The following ASXL2 variants were observed in gnomAD, a reference collection of about 807,000 sequenced individuals.
The protein encoded by ASXL2 is ASXL transcriptional regulator 2.
In ASXL2, 23 loss-of-function variants were observed where a neutral mutation model predicts 122.0. The ratio of observed to expected loss-of-function variants is 0.19; its 90% CI spans 0.14 to 0.27. The LOEUF (loss-of-function observed/expected upper bound fraction) is 0.27. ASXL2 is among the 10% of genes least tolerant of loss of function. ASXL2 has a pLI of 1.00. For synonymous variants in ASXL2, 650 were observed against 637.0 expected, an observed-to-expected ratio of 1.02 and a Z score of -0.31; for missense variants, 1,518 against 1,713.8, an observed-to-expected ratio of 0.89 and a Z score of 2.02.
At chr2:25,865,236 GC>G (rs2089888004) in intron 1 of ASXL2, among the ~76,000 whole-genome samples, 2 of 146,744 alleles carry the variant, frequency 1.4e-5, no homozygotes, top group Admixed American at 6.8e-5. Flanking sequence ...TTTGAGACCA[GC>G]CTGGCCAACA....
chr2:25,831,554 T>C (rs1267946741), intron 3 of ASXL2, among the ~76,000 whole-genome samples: 1 of 151,370 alleles, frequency 6.6e-6, no homozygotes, highest in Admixed American at 6.6e-5. Flanking sequence ...CTCAGGAGGC[T>C]AAGGTGGGAG....
At chr2:25,867,623 CATT>C (rs10588419) in intron 1 of ASXL2, among the ~76,000 whole-genome samples, 58,445 of 151,800 alleles carry the variant, frequency 0.39, 12,943 homozygotes, top group Non-Finnish European at 0.51. Context: ...AAAACAGATA[CATT>C]ATTATCTCCT....
intron 1 of ASXL2, among the ~76,000 whole-genome samples, chr2:25,848,581 C>T (rs1225860725): frequency 1.3e-5 from 2 of 152,028 alleles, no homozygotes; most frequent in East Asian, 3.9e-4. Flanking sequence ...CGAGATTGGG[C>T]CACTGCACTC....
At chr2:25,800,407 G>T (rs1365177909) in intron 4 of ASXL2, among the ~76,000 whole-genome samples, 1 of 152,182 alleles carries the variant, frequency 6.6e-6, no homozygotes, top group African/African-American at 2.4e-5. Context: ...GACAGTAAGA[G>T]ATAGTGCATT....
At chr2:25,760,602 T>C (rs1440973653) in intron 8 of ASXL2, among the ~76,000 whole-genome samples, 1 of 152,246 alleles carries the variant, frequency 6.6e-6, no homozygotes, top group Non-Finnish European at 1.5e-5. Context: ...CATTTTGAAT[T>C]GCTTTCACAA....
At chr2:25,809,906 A>G in intron 3 of ASXL2, 1 of 511,308 alleles carries the variant, frequency 2.0e-6, no homozygotes, top group Admixed American at 1.9e-5. Flanking sequence ...GAGCAGCAGC[A>G]GGGTGAGACT....
Position 25,743,649 on chromosome 2 carries a change from T to G in ASXL2, c.2688A>C (p.Leu896Phe), listed in dbSNP as rs1434964368. Residue 896 changes from leucine to phenylalanine, a missense_variant, in exon 13 of 13, where the codon TTA becomes TTC. By Grantham distance (22) the Leu-to-Phe change is conservative. This residue lies in a region of ASXL2 where 831 missense variants were observed against 833.1 expected (regional missense o/e 1.00). Transcript: ENST00000435504. ...TGACCTGGGGTACAGGAAGCTTTTC[T>G]AAAGTGGCTGTGGTCAATAAAGATG... The part of the protein sequence containing the change: ...PLTSLLTTAT[L>F]EKLPVPQVSA... The G allele has an allele frequency of 6.2e-7, 1 of 1,613,918 alleles. No homozygotes were observed. Among genetic ancestry groups the G allele is most frequent in the Non-Finnish European group, 8.5e-7 (1 of 1,179,902 alleles).
chr2:25,744,489 G>A lies in ASXL2; in HGVS notation c.1861-13C>T, dbSNP rs1484333522. ...TGGAGACCGGGATCTGAAAGAAGTA[G>A]AGGGGAAAAAAACAACAGAGCTTAG... On this transcript the variant is annotated splice_polypyrimidine_tract_variant and intron_variant, in intron 12 of 12. Coordinates refer to ENST00000435504, the MANE Select transcript of ASXL2 (RefSeq NM_018263.6). The surrounding 1 kb of genome is among the most constrained non-coding windows in gnomAD (Gnocchi z 4.7). 2 of 1,573,906 alleles carry A rather than the reference G, an allele frequency of 1.3e-6. No individual in the cohort carries two copies. Among genetic ancestry groups the A allele is most frequent in the Admixed American group, 2.0e-5 (1 of 48,932 alleles).
chr2:25,755,904 T>G, intron 10 of ASXL2, 114 bp downstream of exon 10: 1 of 884,556 alleles, frequency 1.1e-6, no homozygotes, highest in Non-Finnish European at 1.9e-6. Flanking sequence ...GTTAATTCTA[T>G]CCTATGGAAA....
At position 25,751,178 on chromosome 2, in the gene ASXL2, T is replaced by C. The variant is rs188997804; in HGVS notation, c.1143-765A>G. Among the ~76,000 whole-genome samples the C allele has an allele frequency of 2.0e-5, 3 of 152,246 alleles. No homozygotes were observed. The East Asian group carries it at 5.8e-4, about 29-fold the overall frequency. On this transcript the variant is annotated intron_variant, in intron 11 of 12. Coordinates refer to ENST00000435504, the MANE Select transcript of ASXL2 (RefSeq NM_018263.6). ...AATACTGTACAACATGTAAAATCAA[T>C]GAGCCTTCTTTGGTGACTTCAAAGA...
Position 25,744,408 on chromosome 2 carries a change from T to C in ASXL2, c.1929A>G (p.Pro643=). 6.2e-7 allele frequency: 1 copy of C among 1,613,590 alleles called. No homozygotes were observed. Among genetic ancestry groups the C allele is most frequent in the Non-Finnish European group, 8.5e-7 (1 of 1,179,822 alleles). Reference sequence around the variant, plus strand: ...TTCTGTTAGGACTAGTGATGGAGACTGGAAAACGAGCCCTGGGAGAGACCT... The same window carrying C: ...TTCTGTTAGGACTAGTGATGGAGACCGGAAAACGAGCCCTGGGAGAGACCT... ...PSQVSPRARF[P]VSITSPNRTG... is the part of the protein sequence containing the mutation. The change falls in exon 13 of 13, where the codon CCA becomes CCG. Residue 643 remains proline, a synonymous_variant. Transcript: ENST00000435504. The surrounding 1 kb of genome is among the most constrained non-coding windows in gnomAD (Gnocchi z 4.7).
At chr2:25,787,435 T>C (rs760871648) in intron 5 of ASXL2, among the ~76,000 whole-genome samples, 4 of 152,238 alleles carry the variant, frequency 2.6e-5, no homozygotes, top group East Asian at 1.9e-4. Flanking sequence ...AGTATGCTGG[T>C]AGCCATATTG....
At chr2:25,860,173 T>C (rs1445042752) in intron 1 of ASXL2, among the ~76,000 whole-genome samples, 2 of 151,714 alleles carry the variant, frequency 1.3e-5, no homozygotes, top group Non-Finnish European at 2.9e-5. Flanking sequence ...TAACCGGGCA[T>C]GGTGGCGCAT....
At position 25,744,977 on chromosome 2, in the gene ASXL2, AC is replaced by A. The variant is rs1167495758; in HGVS notation, c.1861-502del. On this transcript the variant is annotated intron_variant, in intron 12 of 12. Coordinates refer to ENST00000435504, the MANE Select transcript of ASXL2 (RefSeq NM_018263.6). This position sits in a 1 kb window ranked among gnomAD's most constrained non-coding sequence, Gnocchi z 4.7. ...CACACACACACACACACACACACAC[AC>A]ACTTGGGCTGGATTATCTCAAATTA... Among the ~76,000 whole-genome samples, 1 of 133,052 alleles carries A rather than the reference AC, an allele frequency of 7.5e-6. No homozygotes were observed. Among genetic ancestry groups the A allele is most frequent in the Non-Finnish European group, 1.7e-5 (1 of 60,582 alleles). The allele number at this position is 133,052 out of a possible 152,430, so 87.3% of individuals were successfully genotyped here.
chr2:25,830,973 C>T (rs796672221), intron 3 of ASXL2: 3 of 152,140 alleles, frequency 2.0e-5, no homozygotes, highest in African/African-American at 7.2e-5. Flanking sequence ...ATTCAACATT[C>T]ATATCATCAG....
intron 5 of ASXL2, among the ~76,000 whole-genome samples, chr2:25,777,263 T>G (rs564160916): frequency 1.3e-5 from 2 of 149,236 alleles, no homozygotes; most frequent in African/African-American, 4.9e-5. Context: ...AATTTTTAAG[T>G]TTTTTTTTTA....
At chr2:25,872,252 C>A (rs1477848275) in intron 1 of ASXL2, among the ~76,000 whole-genome samples, 1 of 152,054 alleles carries the variant, frequency 6.6e-6, no homozygotes, top group African/African-American at 2.4e-5. Flanking sequence ...CGTGGTAGTG[C>A]GTGCTTGTGG....
chr2:25,852,198 T>G (rs1047085113), intron 1 of ASXL2, among the ~76,000 whole-genome samples: 1 of 152,226 alleles, frequency 6.6e-6, no homozygotes, highest in Admixed American at 6.5e-5. Context: ...TATGACAATA[T>G]GAATAACCAC....
At chr2:25,855,262 G>A (rs1440467343) in intron 1 of ASXL2, among the ~76,000 whole-genome samples, 2 of 152,202 alleles carry the variant, frequency 1.3e-5, no homozygotes, top group Non-Finnish European at 2.9e-5. Context: ...TTGGTAACAG[G>A]CCAGGCGCAG....
Sources: allele counts gnomAD v4.1 joint callset (sites outside exome capture counted in the v4.1 genomes callset), GRCh38; gene constraint gnomAD v4.1.1; regional missense constraint gnomAD v4.1.1; non-coding constraint Gnocchi (gnomAD v3.1); transcripts MANE v1.5; gene names NCBI Gene and HGNC (gene_info 2026-07-23, HGNC 2026-07-21).